The following CHL1 variants were observed in gnomAD, a reference collection of about 807,000 sequenced individuals.
CHL1 encodes the protein cell adhesion molecule L1 like.
In CHL1, 96 loss-of-function variants were observed where a neutral mutation model predicts 141.9. That is an observed-to-expected ratio of 0.68 (90% CI 0.57 to 0.80). The LOEUF (loss-of-function observed/expected upper bound fraction) is 0.80, where lower values mean the gene tolerates loss of function less well. Among genes scored for constraint, CHL1 ranks in the 30% least tolerant of loss-of-function variants. The probability of loss-of-function intolerance (pLI) is 0.00; values close to 1 mark genes in which losing one functional copy is unlikely to be tolerated. For synonymous variants in CHL1, 613 were observed against 502.2 expected (o/e 1.22, Z -2.95); for missense variants, 1,820 against 1,457.2 (o/e 1.25, Z -4.05).
At chr3:238,740 C>T (rs1054103743) in intron 1 of CHL1, among the ~76,000 whole-genome samples, 63 of 148,746 alleles carry the variant, frequency 4.2e-4, no homozygotes, top group African/African-American at 1.5e-3. Context: ...GCCTAGCTAA[C>T]ATGGTGAAAC....
intron 19 of CHL1, among the ~76,000 whole-genome samples, chr3:388,116 T>C (rs751079470): frequency 6.6e-6 from 1 of 152,246 alleles, no homozygotes; most frequent in Admixed American, 6.5e-5. Flanking sequence ...ACTTATTTTA[T>C]ATAACTGATT....
chr3:351,581 C>T (rs757005551), intron 10 of CHL1, among the ~76,000 whole-genome samples: 9 of 151,996 alleles, frequency 5.9e-5, no homozygotes, highest in Non-Finnish European at 1.0e-4. Flanking sequence ...TTTTTAGAAG[C>T]CCACATTAAA....
chr3:244,117 G>A (rs1193426263), intron 1 of CHL1, among the ~76,000 whole-genome samples: 1 of 152,134 alleles, frequency 6.6e-6, no homozygotes, highest in African/African-American at 2.4e-5. Flanking sequence ...GACCTCTTGA[G>A]TTGAAGGCTT....
At chr3:393,402 C>A (rs1708408514) in intron 23 of CHL1, among the ~76,000 whole-genome samples, 2 of 152,000 alleles carry the variant, frequency 1.3e-5, no homozygotes, top group South Asian at 2.1e-4. Flanking sequence ...GATATAACTT[C>A]TCCTTATCCT....
At chr3:383,776 G>T (rs1475005502) in intron 18 of CHL1, 40 bp from the exon 19 acceptor site, 1 of 1,492,250 alleles carries the variant, frequency 6.7e-7, no homozygotes, top group Non-Finnish European at 9.3e-7. Flanking sequence ...TTACCTATGG[G>T]TTAAAAGGAA....
At chr3:286,107 T>C (rs1697113929) in intron 2 of CHL1, among the ~76,000 whole-genome samples, 1 of 152,170 alleles carries the variant, frequency 6.6e-6, no homozygotes, top group Admixed American at 6.5e-5. Context: ...CCTTCCAAGA[T>C]AGGCTCCATA....
intron 2 of CHL1, among the ~76,000 whole-genome samples, chr3:304,650 G>C (rs527402194): frequency 7.2e-5 from 11 of 152,002 alleles, no homozygotes; most frequent in Admixed American, 3.3e-4. Context: ...TATTAGTCTG[G>C]CTAGCGGTCT....
chr3:293,200 A>T (rs1697857605), intron 2 of CHL1, among the ~76,000 whole-genome samples: 1 of 152,234 alleles, frequency 6.6e-6, no homozygotes, highest in Non-Finnish European at 1.5e-5. Context: ...GCTGAGGAAT[A>T]AACTACAAAA....
intron 15 of CHL1, among the ~76,000 whole-genome samples, chr3:372,032 C>G (rs1294113508): frequency 6.6e-6 from 1 of 152,108 alleles, no homozygotes; most frequent in Non-Finnish European, 1.5e-5. Context: ...TCTGGCTGCC[C>G]TGAGCATTTT....
intron 2 of CHL1, among the ~76,000 whole-genome samples, chr3:289,782 T>C (rs556858140): frequency 1.2e-4 from 18 of 151,856 alleles, no homozygotes; most frequent in Non-Finnish European, 2.6e-4. Flanking sequence ...TACATATTGA[T>C]TTAATACATC....
chr3:326,222 TG>T (rs1471097330), intron 4 of CHL1, among the ~76,000 whole-genome samples, 158 bp downstream of exon 4: 1 of 152,022 alleles, frequency 6.6e-6, no homozygotes, highest in African/African-American at 2.4e-5. Context: ...AAAAAAAATT[TG>T]GTTATTTCAC....
At chr3:252,012 T>C (rs2125142712) in intron 2 of CHL1, among the ~76,000 whole-genome samples, 1 of 152,090 alleles carries the variant, frequency 6.6e-6, no homozygotes, top group Non-Finnish European at 1.5e-5. Flanking sequence ...CAAAATCAAA[T>C]GATAATAAAC....
intron 2 of CHL1, among the ~76,000 whole-genome samples, chr3:267,566 G>A (rs1182110959): frequency 6.8e-6 from 1 of 147,618 alleles, no homozygotes; most frequent in African/African-American, 2.5e-5. Context: ...AAAACCAAAA[G>A]CAAAATCTGT....
intron 1 of CHL1, among the ~76,000 whole-genome samples, chr3:216,124 A>AATTTT (rs1700297442): frequency 1.3e-5 from 2 of 152,226 alleles, no homozygotes; most frequent in African/African-American, 4.8e-5. Flanking sequence ...TGATGTGTAA[A>AATTTT]AAATACCACT....
At chr3:244,973 G>A (rs556421273) in intron 2 of CHL1, among the ~76,000 whole-genome samples, 7 of 152,078 alleles carry the variant, frequency 4.6e-5, no homozygotes, top group Non-Finnish European at 1.0e-4. Flanking sequence ...ATTTGAAAGT[G>A]GCATATTTAT....
intron 6 of CHL1, among the ~76,000 whole-genome samples, chr3:341,617 A>G (rs1211452897): frequency 6.6e-6 from 1 of 152,154 alleles, no homozygotes; most frequent in African/African-American, 2.4e-5. Context: ...GCCAATTCAG[A>G]TTCATAGGGC....
At chr3:252,363 T>TATAG (rs1203853002) in intron 2 of CHL1, among the ~76,000 whole-genome samples, 9 of 100,378 alleles carry the variant, frequency 9.0e-5, no homozygotes, top group African/African-American at 3.1e-4. Context: ...AGCATCCAGA[T>TATAG]ATATATATAT....
intron 1 of CHL1, 112 bp downstream of exon 1, chr3:197,175 A>G (rs1259322985): frequency 6.6e-6 from 1 of 152,128 alleles, no homozygotes; most frequent in African/African-American, 2.4e-5. Context: ...ATGGAAAGGA[A>G]GCGGGGCGCG....
intron 1 of CHL1, among the ~76,000 whole-genome samples, chr3:218,015 A>T (rs565882500): frequency 6.6e-6 from 1 of 152,146 alleles, no homozygotes; most frequent in African/African-American, 2.4e-5. Context: ...TTCTATTAAG[A>T]TGATATGGGT....
Sources: allele counts gnomAD v4.1 joint callset (sites outside exome capture counted in the v4.1 genomes callset), GRCh38; gene constraint gnomAD v4.1.1; transcripts MANE v1.5; gene names NCBI Gene and HGNC (gene_info 2026-07-23, HGNC 2026-07-21).